The following FAT3 variants were observed in gnomAD, a reference collection of about 807,000 sequenced individuals.
FAT3 encodes protocadherin Fat 3.
FAT3 carries 95 observed loss-of-function variants against 310.2 expected under a neutral mutation model. The ratio of observed to expected loss-of-function variants is 0.31; its 90% CI spans 0.26 to 0.36. The LOEUF (loss-of-function observed/expected upper bound fraction) is 0.36. Ranked by LOEUF, FAT3 falls within the 10% of genes least tolerant of loss-of-function variation. The pLI, the probability that FAT3 is intolerant of heterozygous loss-of-function variation, is 1.00. For missense variants in FAT3, 5,408 were observed against 5,715.6 expected (o/e 0.95, Z 1.74); for synonymous variants, 2,314 against 2,192.9 (o/e 1.06, Z -1.54).
intron 2 of FAT3, among the ~76,000 whole-genome samples, chr11:92,397,211 T>A (rs490189): frequency 0.34 from 50,748 of 150,844 alleles, 11,278 homozygotes; most frequent in African/African-American, 0.65. Flanking sequence ...TTTATATATA[T>A]AAAAAAAATT....
intron 3 of FAT3, among the ~76,000 whole-genome samples, chr11:92,584,807 A>G (rs1939045966): frequency 6.6e-6 from 1 of 152,046 alleles, no homozygotes; most frequent in Non-Finnish European, 1.5e-5. Flanking sequence ...AACATGCTGA[A>G]GAACATCTTC....
intron 4 of FAT3, among the ~76,000 whole-genome samples, chr11:92,738,042 A>G (rs554156256): frequency 2.0e-5 from 3 of 152,254 alleles, no homozygotes; most frequent in African/African-American, 7.2e-5. Context: ...TACTTCTTAC[A>G]TTTCAAAAGG....
intron 2 of FAT3, among the ~76,000 whole-genome samples, chr11:92,432,179 A>C: frequency 6.6e-6 from 1 of 152,096 alleles, no homozygotes; most frequent in African/African-American, 2.4e-5. Context: ...TTCGTTGAGC[A>C]GTGGTTTGTA....
intron 13 of FAT3, among the ~76,000 whole-genome samples, chr11:92,814,813 A>G (rs551209276): frequency 3.0e-4 from 46 of 152,330 alleles, no homozygotes; most frequent in Admixed American, 9.1e-4. Context: ...CCACCATGGC[A>G]CATATATACC....
chr11:92,880,045 A>G (rs1357652971), intron 22 of FAT3, among the ~76,000 whole-genome samples: 2 of 151,904 alleles, frequency 1.3e-5, no homozygotes, highest in Non-Finnish European at 2.9e-5. Context: ...GAGGTCGATA[A>G]TGCCTCTTTC....
chr11:92,856,327 A>T (rs1055019680), intron 19 of FAT3, among the ~76,000 whole-genome samples: 2 of 149,920 alleles, frequency 1.3e-5, no homozygotes, highest in African/African-American at 2.4e-5. Context: ...GGGTTTTTTT[A>T]AATTTGTGTC....
chr11:92,478,483 CA>C (rs1952107576), intron 2 of FAT3, among the ~76,000 whole-genome samples: 1 of 152,182 alleles, frequency 6.6e-6, no homozygotes, highest in African/African-American at 2.4e-5. Flanking sequence ...ACGAGTTCCT[CA>C]CTCAGGAGAT....
chr11:92,709,956 A>G (rs1276575346), intron 4 of FAT3, among the ~76,000 whole-genome samples: 11 of 152,200 alleles, frequency 7.2e-5, no homozygotes, highest in African/African-American at 2.4e-5. Flanking sequence ...TGATGTACCC[A>G]TTATAATTCC....
rs1042496980 is a variant in FAT3, at chr11:92,499,707, G to T, written c.3293-24927G>T. On this transcript the variant is annotated intron_variant, in intron 2 of 27. Coordinates refer to ENST00000525166, the MANE Select transcript of FAT3 (RefSeq NM_001367949.2). ...TGTGAACAAAGTCTTGATCTTGTGT[G>T]TGTGTATGTGTGTGTATGTGTGTGT... Among the ~76,000 whole-genome samples the T allele has an allele frequency of 1.7e-5, 2 of 115,224 alleles. 1 individual carries two copies. The highest frequency in any genetic ancestry group is 6.9e-4 in the South Asian group (2 of 2,914). The allele number at this position is 115,224 out of a possible 152,430, so 75.6% of individuals were successfully genotyped here.
intron 2 of FAT3, among the ~76,000 whole-genome samples, chr11:92,502,630 G>C (rs1192323756): frequency 6.6e-6 from 1 of 152,090 alleles, no homozygotes; most frequent in Non-Finnish European, 1.5e-5. Context: ...TGGGTGGAAA[G>C]TGTAGGCAGG....
intron 3 of FAT3, among the ~76,000 whole-genome samples, chr11:92,643,167 A>G (rs376109617): frequency 1.9e-4 from 29 of 152,264 alleles, no homozygotes; most frequent in African/African-American, 7.0e-4. Flanking sequence ...ACTAACTGAA[A>G]ATCTTTGTTC....
At chr11:92,533,087 G>A (rs1290462889) in intron 3 of FAT3, among the ~76,000 whole-genome samples, 5 of 152,064 alleles carry the variant, frequency 3.3e-5, no homozygotes, top group Non-Finnish European at 5.9e-5. Context: ...AGGCTGGAGT[G>A]CAGTAGCATG....
chr11:92,428,808 A>T (rs148435095), intron 2 of FAT3, among the ~76,000 whole-genome samples: 189 of 152,256 alleles, frequency 1.2e-3, no homozygotes, highest in African/African-American at 4.2e-3. Flanking sequence ...TTATGTGGTC[A>T]ATTTTAGAAT....
rs1304997611 is a variant in FAT3, at chr11:92,352,439, T to C, written c.327T>C (p.Thr109=). The C allele has an allele frequency of 6.2e-7, 1 of 1,612,432 alleles. No individual in the cohort carries two copies. The highest frequency in any genetic ancestry group is 8.5e-7 in the Non-Finnish European group (1 of 1,179,456). ...ATTTCTGTTTTCTCAGAATAAGAACTAAAGGTGGCAATTCTGCCATATTAA... is the reference window on the plus strand; with the variant it reads ...ATTTCTGTTTTCTCAGAATAAGAACCAAAGGTGGCAATTCTGCCATATTAA... The part of the protein sequence containing the change: ...IADFCFLRIR[T]KGGNSAILNR... Residue 109 remains threonine (T), a synonymous_variant, in exon 2 of 28, where the codon ACT becomes ACC. Coordinates refer to ENST00000525166, the MANE Select transcript of FAT3 (RefSeq NM_001367949.2).
intron 3 of FAT3, among the ~76,000 whole-genome samples, chr11:92,587,858 T>A (rs2135550991): frequency 6.6e-6 from 1 of 152,114 alleles, no homozygotes; most frequent in Non-Finnish European, 1.5e-5. Flanking sequence ...AAAATTTCAC[T>A]TTTTCCCCAT....
intron 1 of FAT3, chr11:92,336,173 A>G (rs936121559): frequency 3.0e-5 from 17 of 562,500 alleles, no homozygotes; most frequent in Non-Finnish European, 5.7e-5. Flanking sequence ...AATCAGGCAG[A>G]TAGGCCACAA....
chr11:92,810,953 T>TG (rs1184790352), intron 13 of FAT3, among the ~76,000 whole-genome samples: 1 of 152,194 alleles, frequency 6.6e-6, no homozygotes, highest in African/African-American at 2.4e-5. Context: ...AATTCTGAAT[T>TG]GAAAGAAAAA....
chr11:92,772,542 T>A (rs947587668), intron 6 of FAT3, among the ~76,000 whole-genome samples: 1 of 152,116 alleles, frequency 6.6e-6, no homozygotes, highest in Non-Finnish European at 1.5e-5. Context: ...TCAAACAATT[T>A]TTTTGGAGTT....
chr11:92,886,591 T>C (rs1322622798), intron 24 of FAT3, among the ~76,000 whole-genome samples: 1 of 152,250 alleles, frequency 6.6e-6, no homozygotes, highest in Non-Finnish European at 1.5e-5. Context: ...AAAATATTTA[T>C]ACCCCATTTT....
Sources: gnomAD v4.1 joint callset for allele counts (sites outside exome capture counted in the v4.1 genomes callset) on GRCh38, gnomAD v4.1.1 for gene constraint, MANE v1.5 for transcripts, NCBI Gene and HGNC (gene_info 2026-07-23, HGNC 2026-07-21) for gene names.